The following EFCAB13 variants were observed in gnomAD, a reference collection of about 807,000 sequenced individuals.
EFCAB13 encodes EF-hand calcium-binding domain-containing protein 13.
Under a neutral mutation model 110.2 loss-of-function variants are expected in EFCAB13, and 91 were observed. That is an observed-to-expected ratio of 0.83 (90% confidence interval 0.70 to 0.98). The LOEUF (loss-of-function observed/expected upper bound fraction) is 0.98, where lower values mean the gene tolerates loss of function less well. Among genes scored for constraint, EFCAB13 ranks in the 50% least tolerant of loss-of-function variants. The pLI, the probability that EFCAB13 is intolerant of heterozygous loss-of-function variation, is 0.00. For missense variants in EFCAB13, 968 were observed against 1,119.4 expected (o/e 0.86, Z 1.93); for synonymous variants, 323 against 369.9 (o/e 0.87, Z 1.45).
At chr17:47,387,943 C>T (rs563956976) in intron 14 of EFCAB13, among the ~76,000 whole-genome samples, 124 of 152,294 alleles carry the variant, frequency 8.1e-4, no homozygotes, top group Non-Finnish European at 1.4e-3. Flanking sequence ...CTGCATGTCT[C>T]AAATGGGGAG....
chr17:47,370,942 G>T (rs1451829102), intron 11 of EFCAB13, among the ~76,000 whole-genome samples: 1 of 151,102 alleles, frequency 6.6e-6, no homozygotes, highest in Non-Finnish European at 1.5e-5. Context: ...GGTTCACCAT[G>T]TTGGTCAGGC....
intron 24 of EFCAB13, among the ~76,000 whole-genome samples, chr17:47,439,878 AC>A (rs922989621): frequency 6.6e-6 from 1 of 151,320 alleles, no homozygotes; most frequent in Non-Finnish European, 1.5e-5. Context: ...AACCAGTTTT[AC>A]CCCTTGAGAG....
intron 21 of EFCAB13, among the ~76,000 whole-genome samples, chr17:47,410,985 C>T (rs1344028249): frequency 6.6e-6 from 1 of 152,148 alleles, no homozygotes; most frequent in Non-Finnish European, 1.5e-5. Context: ...ATCTCTTCCT[C>T]CCACTTGCCT....
At chr17:47,436,063 G>T (rs1905207991) in intron 24 of EFCAB13, among the ~76,000 whole-genome samples, 2 of 152,104 alleles carry the variant, frequency 1.3e-5, no homozygotes, top group African/African-American at 2.4e-5. Context: ...CTGTTTATGT[G>T]GTGTATCACA....
intron 13 of EFCAB13, 52 bp downstream of exon 13, chr17:47,377,955 G>A (rs2065625682): frequency 1.3e-5 from 20 of 1,490,354 alleles, no homozygotes; most frequent in Non-Finnish European, 1.7e-5. Context: ...ATTTTTATCG[G>A]ATAGTATTAA....
intron 14 of EFCAB13, among the ~76,000 whole-genome samples, chr17:47,388,312 A>G (rs1457984973): frequency 3.9e-5 from 6 of 152,072 alleles, no homozygotes; most frequent in Admixed American, 2.0e-4. Flanking sequence ...ACTTTTCCTC[A>G]TGGTACCTGG....
intron 17 of EFCAB13, among the ~76,000 whole-genome samples, chr17:47,400,083 A>T (rs764397771): frequency 2.6e-5 from 4 of 152,192 alleles, no homozygotes; most frequent in African/African-American, 7.2e-5. Context: ...TTTGTTTTAG[A>T]TTTTTAAACT....
Position 47,431,223 on chromosome 17 carries a change from A to G in EFCAB13, c.2638+1262A>G, listed in dbSNP as rs1442515047. Among the ~76,000 whole-genome samples the G allele has an allele frequency of 6.6e-6, 1 of 151,968 alleles. No homozygotes were observed. Among genetic ancestry groups the G allele is most frequent in the Admixed American group, 6.6e-5 (1 of 15,256 alleles). On this transcript the variant is annotated intron_variant, in intron 24 of 24. Transcript: ENST00000331493. The surrounding 1 kb of genome is among the most constrained non-coding windows in gnomAD (Gnocchi z 4.1). ...CTTATTCCTTCTAACTGTATTTTGTACCCATTAACCAACCCCTTTTTTTAA... is the reference window on the plus strand; with the variant it reads ...CTTATTCCTTCTAACTGTATTTTGTGCCCATTAACCAACCCCTTTTTTTAA...
In EFCAB13 at chr17:47,367,517, G is replaced by A. The variant is rs553698246; in HGVS notation, c.806-2920G>A. Among the ~76,000 whole-genome samples the A allele has an allele frequency of 1.2e-4, 19 of 152,318 alleles. No homozygotes were observed. The South Asian group carries it at 2.5e-3, about 20-fold the overall frequency. ...GACGCCGGCAGAGAAGGAGCCGGGT[G>A]GAGCTGTGGTCCCGCTGAGGAAGCT... On this transcript the variant is annotated intron_variant, in intron 10 of 24. Coordinates refer to ENST00000331493, the MANE Select transcript of EFCAB13 (RefSeq NM_152347.5).
intron 21 of EFCAB13, among the ~76,000 whole-genome samples, chr17:47,410,981 T>G (rs914614728): frequency 5.3e-5 from 8 of 152,190 alleles, no homozygotes; most frequent in African/African-American, 1.9e-4. Context: ...TAATATCTCT[T>G]CCTCCCACTT....
rs575662614 is a variant in EFCAB13, at chr17:47,345,735, A to G, written c.517+637A>G. Among the ~76,000 whole-genome samples, 4 of 152,236 alleles carry G rather than the reference A, an allele frequency of 2.6e-5. No homozygotes were observed. The East Asian group carries it at 7.7e-4, about 29-fold the overall frequency. The stretch of plus-strand genomic sequence containing the variant: ...TTATTCTTCACTCACAATCTCTTAT[A>G]CTTCCAGCTCTTTTTATTTAGAATT... On this transcript the variant is annotated intron_variant, in intron 8 of 24. Coordinates refer to ENST00000331493, the MANE Select transcript of EFCAB13 (RefSeq NM_152347.5).
chr17:47,357,572 G>A (rs923266527), intron 9 of EFCAB13, among the ~76,000 whole-genome samples: 29 of 152,146 alleles, frequency 1.9e-4, no homozygotes, highest in African/African-American at 6.5e-4. Context: ...ACACCACCAC[G>A]CCCAGCTAAT....
intron 2 of EFCAB13, among the ~76,000 whole-genome samples, chr17:47,325,920 C>CAA (rs1491472133): frequency 4.1e-5 from 2 of 48,352 alleles, no homozygotes; most frequent in Non-Finnish European, 7.3e-5. Flanking sequence ...TATATATAAA[C>CAA]AAAATATATA....
At chr17:47,369,662 T>C (rs146571979) in intron 10 of EFCAB13, 2 of 152,480 alleles carry the variant, frequency 1.3e-5, no homozygotes, top group African/African-American at 4.8e-5. Context: ...TTCTTATGAA[T>C]AGACTGAAGA....
chr17:47,372,693 G>A lies in EFCAB13; in HGVS notation c.878-1779G>A, dbSNP rs1403315220. 1.2e-4 allele frequency among the ~76,000 whole-genome samples: 18 copies of A among 152,110 alleles called. 1 individual carries two copies. The highest frequency in any genetic ancestry group is 1.2e-3 in the Admixed American group (18 of 15,276). On this transcript the variant is annotated intron_variant, in intron 11 of 24. Coordinates refer to ENST00000331493, the MANE Select transcript of EFCAB13 (RefSeq NM_152347.5). Reference sequence around the variant, plus strand: ...TCTTTATCTTCATTTCTGAAGGACAGTTTTTCTAGGTACAGTATTATTGGT... The same window carrying A: ...TCTTTATCTTCATTTCTGAAGGACAATTTTTCTAGGTACAGTATTATTGGT...
intron 23 of EFCAB13, among the ~76,000 whole-genome samples, chr17:47,419,579 A>G (rs1006918888): frequency 1.3e-5 from 2 of 152,132 alleles, no homozygotes; most frequent in African/African-American, 2.4e-5. Flanking sequence ...TCCCATCTCT[A>G]AATAATAATG....
chr17:47,398,230 A>G (rs1598750233), intron 17 of EFCAB13, among the ~76,000 whole-genome samples: 1 of 114,720 alleles, frequency 8.7e-6, no homozygotes, highest in Admixed American at 8.4e-5. Context: ...CCCGTCCGGG[A>G]GGGAGGTGGG....
chr17:47,337,466 C>G (rs1483019853), intron 5 of EFCAB13, among the ~76,000 whole-genome samples: 2 of 152,026 alleles, frequency 1.3e-5, no homozygotes, highest in African/African-American at 4.8e-5. Context: ...CACTTGTACC[C>G]TCTAAATATA....
At chr17:47,420,731 T>C (rs1266384556) in intron 23 of EFCAB13, among the ~76,000 whole-genome samples, 1 of 148,470 alleles carries the variant, frequency 6.7e-6, no homozygotes, top group Non-Finnish European at 1.5e-5. Context: ...ATCTGAGAAG[T>C]GAGGAGCCCC....
Sources: gnomAD v4.1 joint callset for allele counts (sites outside exome capture counted in the v4.1 genomes callset) on GRCh38, gnomAD v4.1.1 for gene constraint, Gnocchi (gnomAD v3.1) non-coding constraint, MANE v1.5 for transcripts, NCBI Gene and HGNC (gene_info 2026-07-23, HGNC 2026-07-21) for gene names.